PRKCB: variants seen among roughly 807,000 people sequenced by gnomAD.
PRKCB encodes protein kinase C beta type.
In PRKCB, 13 loss-of-function variants were observed where a neutral mutation model predicts 81.5. That is an observed-to-expected ratio of 0.16 (90% CI 0.10 to 0.25). The LOEUF (loss-of-function observed/expected upper bound fraction) is 0.25. Among genes scored for constraint, PRKCB ranks in the 10% least tolerant of loss-of-function variants. The pLI is 1.00. For missense variants in PRKCB, 509 were observed against 875.7 expected (o/e 0.58, Z 5.29); for synonymous variants, 335 against 321.4 (o/e 1.04, Z -0.45).
chr16:24,205,440 A>G (rs1013146424), intron 16 of PRKCB, among the ~76,000 whole-genome samples: 3 of 152,092 alleles, frequency 2.0e-5, no homozygotes, highest in African/African-American at 7.2e-5. Flanking sequence ...TAGGCATGGC[A>G]CCACCATGCC....
intron 5 of PRKCB, among the ~76,000 whole-genome samples, chr16:24,042,484 GCAAA>G (rs1378935016): frequency 6.6e-6 from 1 of 152,100 alleles, no homozygotes; most frequent in African/African-American, 2.4e-5. Context: ...GAATTTTACA[GCAAA>G]CACTCATTTA....
At chr16:23,847,471 T>TCCATCCAC (rs1555478121) in intron 2 of PRKCB, among the ~76,000 whole-genome samples, 25,771 of 141,770 alleles carry the variant, frequency 0.18, 2,840 homozygotes, top group Admixed American at 0.27. Flanking sequence ...CATCCATCCA[T>TCCATCCAC]CCATCCACCC....
intron 5 of PRKCB, among the ~76,000 whole-genome samples, chr16:24,085,246 A>G (rs369775698): frequency 1.3e-5 from 2 of 152,278 alleles, no homozygotes; most frequent in South Asian, 4.2e-4. Flanking sequence ...TGAAACTCCA[A>G]ATGCCTGGAC....
At chr16:24,053,337 G>C (rs925904531) in intron 5 of PRKCB, among the ~76,000 whole-genome samples, 2 of 152,200 alleles carry the variant, frequency 1.3e-5, no homozygotes, top group African/African-American at 4.8e-5. Flanking sequence ...ATGGGCTTTG[G>C]AGCTATCTGG....
At chr16:23,883,466 T>G (rs773283637) in intron 2 of PRKCB, among the ~76,000 whole-genome samples, 1 of 152,124 alleles carries the variant, frequency 6.6e-6, no homozygotes, top group African/African-American at 2.4e-5. Flanking sequence ...GCCTCTGTGC[T>G]AAGTGCAGTG....
At chr16:24,002,298 G>GGT (rs546886407) in intron 3 of PRKCB, among the ~76,000 whole-genome samples, 188 of 147,670 alleles carry the variant, frequency 1.3e-3, no homozygotes, top group East Asian at 3.7e-3. Flanking sequence ...CCAAAGCACA[G>GGT]GTGTGTGTGT....
intron 3 of PRKCB, among the ~76,000 whole-genome samples, chr16:24,023,518 G>A (rs1466514529): frequency 1.3e-5 from 2 of 152,086 alleles, no homozygotes; most frequent in Non-Finnish European, 2.9e-5. Flanking sequence ...ACAGGCGCCC[G>A]CCACCACGCC....
At chr16:23,900,160 A>G (rs1334635318) in intron 2 of PRKCB, among the ~76,000 whole-genome samples, 2 of 152,184 alleles carry the variant, frequency 1.3e-5, no homozygotes, top group Non-Finnish European at 2.9e-5. Context: ...AACAAAATAT[A>G]CAAGACAGCC....
intron 5 of PRKCB, among the ~76,000 whole-genome samples, chr16:24,055,110 G>A (rs2141873144): frequency 6.6e-6 from 1 of 152,346 alleles, no homozygotes; most frequent in South Asian, 2.1e-4. Context: ...GGCCCTCTTG[G>A]GCACAGGCCA....
intron 2 of PRKCB, among the ~76,000 whole-genome samples, chr16:23,856,108 A>G (rs1272155207): frequency 6.6e-6 from 1 of 152,200 alleles, no homozygotes; most frequent in East Asian, 1.9e-4. Flanking sequence ...CTGGCACTGG[A>G]ATATCATGGA....
intron 2 of PRKCB, among the ~76,000 whole-genome samples, chr16:23,970,470 T>C (rs1031722345): frequency 6.6e-6 from 1 of 152,218 alleles, no homozygotes. Context: ...AGGCAGATAC[T>C]GGAGCCAGAC....
At chr16:24,091,620 CT>C (rs67333744) in intron 5 of PRKCB, among the ~76,000 whole-genome samples, 9,143 of 149,382 alleles carry the variant, frequency 0.061, 374 homozygotes, top group Middle Eastern at 0.12. Context: ...GTAAGTTCAT[CT>C]TTTTTTTTTG....
At chr16:23,958,725 TTCC>T (rs1964384209) in intron 2 of PRKCB, among the ~76,000 whole-genome samples, 2 of 151,726 alleles carry the variant, frequency 1.3e-5, no homozygotes, top group Non-Finnish European at 2.9e-5. Flanking sequence ...TCTCCTCTTA[TTCC>T]TCCTCCTCCC....
intron 3 of PRKCB, among the ~76,000 whole-genome samples, chr16:24,011,872 G>T (rs1965206956): frequency 6.6e-6 from 1 of 152,108 alleles, no homozygotes; most frequent in Non-Finnish European, 1.5e-5. Flanking sequence ...CTACTTCTTA[G>T]GGTGAGTATT....
chr16:24,168,674 C>G (rs928749849), intron 10 of PRKCB, among the ~76,000 whole-genome samples: 2 of 149,306 alleles, frequency 1.3e-5, no homozygotes, highest in African/African-American at 4.9e-5. Flanking sequence ...CCTCAGCCTC[C>G]CGAGTAGCTG....
At chr16:24,005,438 G>T (rs974093127) in intron 3 of PRKCB, among the ~76,000 whole-genome samples, 5 of 152,166 alleles carry the variant, frequency 3.3e-5, no homozygotes, top group African/African-American at 1.2e-4. Flanking sequence ...AGTTTTGTTT[G>T]TTTCTGGGGC....
At chr16:23,918,264 C>T (rs964228633) in intron 2 of PRKCB, among the ~76,000 whole-genome samples, 6 of 152,128 alleles carry the variant, frequency 3.9e-5, no homozygotes, top group Admixed American at 2.6e-4. Flanking sequence ...AAATAATGGT[C>T]TGTCCTTCAC....
intron 2 of PRKCB, among the ~76,000 whole-genome samples, chr16:23,980,046 T>A (rs1964674334): frequency 6.6e-6 from 1 of 152,176 alleles, no homozygotes; most frequent in African/African-American, 2.4e-5. Flanking sequence ...GATTGCACCA[T>A]TGCACTCCAG....
intron 9 of PRKCB, among the ~76,000 whole-genome samples, chr16:24,146,167 T>G (rs1044064667): frequency 6.6e-6 from 1 of 152,032 alleles, no homozygotes; most frequent in African/African-American, 2.4e-5. Context: ...ATGGAACAGA[T>G]CCTCCCTCAG....
Sources: allele counts gnomAD v4.1 joint callset (sites outside exome capture counted in the v4.1 genomes callset), GRCh38; gene constraint gnomAD v4.1.1; transcripts MANE v1.5; gene names NCBI Gene and HGNC (gene_info 2026-07-23, HGNC 2026-07-21).